Variants in HDX observed in about 807,000 individuals in gnomAD.
HDX encodes highly divergent homeobox.
Under a neutral mutation model 45.2 loss-of-function variants are expected in HDX, and 19 were observed. The observed-to-expected ratio is 0.42, with a 90% confidence interval of 0.29 to 0.62. The LOEUF (loss-of-function observed/expected upper bound fraction) is 0.62, where lower values mean the gene tolerates loss of function less well. Among genes scored for constraint, HDX ranks in the 20% least tolerant of loss-of-function variants. HDX has a pLI of 0.20. For synonymous variants in HDX, 188 were observed against 172.8 expected (o/e 1.09, Z -0.69); for missense variants, 532 against 493.9 (o/e 1.08, Z -0.73).
chrX:84,417,627 A>T (rs2039145975), intron 5 of HDX, among the ~76,000 whole-genome samples: 1 of 112,463 alleles, frequency 8.9e-6, no homozygotes, highest in African/African-American at 3.2e-5. Flanking sequence ...CAAAGAGGAC[A>T]GGTACTTTCC....
At chrX:84,365,385 A>C (rs1372024619) in intron 5 of HDX, among the ~76,000 whole-genome samples, 1 of 111,615 alleles carries the variant, frequency 9.0e-6, no homozygotes, top group Non-Finnish European at 1.9e-5. Flanking sequence ...TGAGATCAAC[A>C]GTAGTGTATT....
intron 2 of HDX, among the ~76,000 whole-genome samples, chrX:84,481,977 CT>C (rs1299511002): frequency 9.0e-6 from 1 of 111,533 alleles, no homozygotes; most frequent in Non-Finnish European, 1.9e-5. Context: ...ATTTGACTTT[CT>C]TTTTTTATGT....
chrX:84,422,876 G>A (rs1341714525), intron 5 of HDX, among the ~76,000 whole-genome samples: 3 of 108,947 alleles, frequency 2.8e-5, no homozygotes, highest in Non-Finnish European at 5.7e-5. Context: ...CACCGTGTTA[G>A]CCAGGATGGT....
chrX:84,398,933 A>G (rs1173523124), intron 5 of HDX, among the ~76,000 whole-genome samples: 1 of 112,010 alleles, frequency 8.9e-6, no homozygotes, highest in East Asian at 2.8e-4. Flanking sequence ...CCACACAATA[A>G]CATGAAAATT....
intron 4 of HDX, among the ~76,000 whole-genome samples, chrX:84,467,826 G>T (rs1018146079): frequency 3.6e-5 from 4 of 111,185 alleles, no homozygotes; most frequent in Non-Finnish European, 7.5e-5. Context: ...CTGAACAATT[G>T]AATATATGAA....
intron 2 of HDX, among the ~76,000 whole-genome samples, chrX:84,487,762 A>G (rs1719590182): frequency 8.9e-6 from 1 of 112,394 alleles, no homozygotes. Flanking sequence ...TCCTCTAGAC[A>G]GAAATATAGG....
intron 5 of HDX, among the ~76,000 whole-genome samples, chrX:84,434,488 T>C (rs1160287981): frequency 1.8e-5 from 2 of 112,114 alleles, no homozygotes; most frequent in Non-Finnish European, 3.8e-5. Flanking sequence ...ACTGATTGTG[T>C]ATGTTAAACC....
At chrX:84,470,077 A>T (rs1035614475) in intron 3 of HDX, among the ~76,000 whole-genome samples, 1 of 111,909 alleles carries the variant, frequency 8.9e-6, no homozygotes, top group African/African-American at 3.2e-5. Context: ...ATCAACTTCC[A>T]TTTTATAAAT....
intron 4 of HDX, among the ~76,000 whole-genome samples, chrX:84,457,488 A>G (rs1367798846): frequency 8.9e-6 from 1 of 111,976 alleles, no homozygotes; most frequent in African/African-American, 3.2e-5. Context: ...AGAAACTTCA[A>G]TAACTAATAG....
rs200777059 is a variant in HDX, at chrX:84,405,662, A to ATGTG, written c.1305+34869_1305+34870insCACA. 1.0e-4 allele frequency among the ~76,000 whole-genome samples: 9 copies of ATGTG among 89,216 alleles called. No homozygotes were observed. In the East Asian group the frequency reaches 2.0e-3, roughly 20 times the overall value. The allele number at this position is 89,216 out of a possible 115,157, so 77.5% of individuals were successfully genotyped here. ...CCTCACAAGCTATATATATATATAT[A>ATGTG]TATGTGTGTGTGTGTGTGTGTGTGT... On this transcript the variant is annotated intron_variant, in intron 5 of 10. Coordinates refer to ENST00000373177, the MANE Select transcript of HDX (RefSeq NM_001177479.2).
intron 1 of HDX, among the ~76,000 whole-genome samples, chrX:84,489,404 A>G (rs867758754): frequency 3.6e-5 from 4 of 111,953 alleles, no homozygotes; most frequent in Middle Eastern, 4.6e-3. Flanking sequence ...TAGATGAAAT[A>G]TTAAATTATT....
At chrX:84,326,871 G>T (rs368411588) in intron 9 of HDX, among the ~76,000 whole-genome samples, 2 of 106,477 alleles carry the variant, frequency 1.9e-5, no homozygotes, top group Admixed American at 2.0e-4. Flanking sequence ...AGCAGAGATC[G>T]CACTGCTGCA....
At chrX:84,340,920 A>C (rs1462949041) in intron 7 of HDX, among the ~76,000 whole-genome samples, 1 of 111,701 alleles carries the variant, frequency 9.0e-6, no homozygotes, top group Non-Finnish European at 1.9e-5. Context: ...AGCTATTTAA[A>C]GAACACACCA....
intron 6 of HDX, among the ~76,000 whole-genome samples, chrX:84,349,609 G>GTGTATA (rs1315482424): frequency 3.9e-5 from 3 of 77,562 alleles, no homozygotes; most frequent in African/African-American, 1.5e-4. Flanking sequence ...ATGTGTGTGT[G>GTGTATA]TATATATATA....
At chrX:84,474,148 C>T (rs766260727) in intron 3 of HDX, among the ~76,000 whole-genome samples, 2 of 111,560 alleles carry the variant, frequency 1.8e-5, no homozygotes, top group East Asian at 2.9e-4. Flanking sequence ...AAGAATTAGC[C>T]GGGCGTGGTG....
intron 5 of HDX, among the ~76,000 whole-genome samples, chrX:84,406,513 CACACAT>C (rs2038830625): frequency 2.7e-4 from 15 of 55,720 alleles, no homozygotes; most frequent in Admixed American, 8.6e-4. Flanking sequence ...CACACACACA[CACACAT>C]ACACACACAC....
intron 7 of HDX, among the ~76,000 whole-genome samples, chrX:84,337,392 A>G (rs1178712697): frequency 9.0e-6 from 1 of 111,557 alleles, no homozygotes; most frequent in Admixed American, 9.5e-5. Flanking sequence ...CTGTTTCCAC[A>G]AAGACATTGT....
intron 5 of HDX, among the ~76,000 whole-genome samples, chrX:84,439,473 C>T (rs2039714281): frequency 9.0e-6 from 1 of 110,756 alleles, no homozygotes; most frequent in Non-Finnish European, 1.9e-5. Context: ...CATAAATTCT[C>T]TGCCAAAGCC....
At chrX:84,436,292 G>A (rs1340878504) in intron 5 of HDX, among the ~76,000 whole-genome samples, 1 of 66,957 alleles carries the variant, frequency 1.5e-5, no homozygotes, top group Non-Finnish European at 2.7e-5. Context: ...GTGGGGGGAG[G>A]GGGGAGGGAT....
Sources: allele counts gnomAD v4.1 joint callset (sites outside exome capture counted in the v4.1 genomes callset), GRCh38; gene constraint gnomAD v4.1.1; transcripts MANE v1.5; gene names NCBI Gene and HGNC (gene_info 2026-07-23, HGNC 2026-07-21).